Variants in DYNC2I2 observed in about 807,000 individuals in gnomAD.
DYNC2I2 encodes the protein cytoplasmic dynein 2 intermediate chain 2.
A neutral mutation model predicts 52.0 loss-of-function variants in DYNC2I2; 39 were observed. That is an observed-to-expected ratio of 0.75 (90% CI 0.58 to 0.98). The LOEUF (loss-of-function observed/expected upper bound fraction) is 0.98, where lower values mean the gene tolerates loss of function less well. Among genes scored for constraint, DYNC2I2 ranks in the 50% least tolerant of loss-of-function variants. DYNC2I2 has a pLI of 0.00. For missense variants in DYNC2I2, 743 were observed against 728.4 expected, an observed-to-expected ratio of 1.02 and a Z score of -0.23; for synonymous variants, 359 against 321.1, an observed-to-expected ratio of 1.12 and a Z score of -1.26.
At chr9:128,678,504 C>T in the DYNC2I2 span, among the ~76,000 whole-genome samples, 1 of 133,892 alleles carries the variant, frequency 7.5e-6, no homozygotes, top group Non-Finnish European at 1.5e-5. Flanking sequence ...TCTTGTTGCC[C>T]AGGCTGGAGT....
chr9:128,670,547 C>A, the DYNC2I2 span, among the ~76,000 whole-genome samples: 2 of 151,498 alleles, frequency 1.3e-5, 1 homozygote, highest in South Asian at 4.2e-4. Context: ...ACCACCCTGG[C>A]CAACATGGTG....
At chr9:128,653,734 G>A (rs548102955) in intron 1 of DYNC2I2, among the ~76,000 whole-genome samples, 2,014 of 146,948 alleles carry the variant, frequency 0.014, 44 homozygotes, top group African/African-American at 0.039. Context: ...AACCCAGGCC[G>A]GGCGCAGTGG....
chr9:128,669,343 C>A, the DYNC2I2 span, among the ~76,000 whole-genome samples: 1 of 150,894 alleles, frequency 6.6e-6, no homozygotes, highest in South Asian at 2.1e-4. Context: ...CCAGCCTGGG[C>A]GACAGAGCGA....
the DYNC2I2 span, among the ~76,000 whole-genome samples, chr9:128,665,769 CA>C: frequency 0.66 from 47,624 of 71,982 alleles, 15,057 homozygotes; most frequent in Middle Eastern, 0.77. Flanking sequence ...GACTCTGTGT[CA>C]AAAAAAAAAA....
intron 6 of DYNC2I2, 34 bp downstream of exon 6, chr9:128,635,058 C>T (rs770390295): frequency 2.5e-6 from 4 of 1,595,362 alleles, no homozygotes; most frequent in Middle Eastern, 2.0e-4. Flanking sequence ...GGCTCACCGG[C>T]GCAGGCCAGG....
chr9:128,634,865 G>A lies in DYNC2I2; in HGVS notation c.1038C>T (p.Asp346=), dbSNP rs1203198115. Reference sequence around the variant, plus strand: ...CCGTGCCCAGAATGAACAGCCTAGGGTCAAAGCTGGAGAAGGCCACTGCCG... The same window carrying A: ...CCGTGCCCAGAATGAACAGCCTAGGATCAAAGCTGGAGAAGGCCACTGCCG... ...GATAVAFSSF[D]PRLFILGTEG... The change falls in exon 7 of 9, where the codon GAC becomes GAT. Residue 346 remains aspartate, a synonymous_variant. Coordinates refer to ENST00000372715, the MANE Select transcript of DYNC2I2 (RefSeq NM_052844.4). The A allele has an allele frequency of 1.1e-5, 17 of 1,613,390 alleles. No individual in the cohort carries two copies. Among genetic ancestry groups the A allele is most frequent in the Non-Finnish European group, 1.4e-5 (17 of 1,179,984 alleles).
the DYNC2I2 span, among the ~76,000 whole-genome samples, chr9:128,678,369 A>C: frequency 6.9e-6 from 1 of 145,786 alleles, no homozygotes; most frequent in Non-Finnish European, 1.5e-5. Flanking sequence ...TGCCCAGCCT[A>C]ATTTTTTTTT....
At chr9:128,673,257 A>C in the DYNC2I2 span, among the ~76,000 whole-genome samples, 40 of 152,188 alleles carry the variant, frequency 2.6e-4, no homozygotes, top group Non-Finnish European at 4.7e-4. Flanking sequence ...AAATACTGTC[A>C]ATAATAAAAT....
chr9:128,666,784 C>T, the DYNC2I2 span, among the ~76,000 whole-genome samples: 1 of 150,752 alleles, frequency 6.6e-6, no homozygotes, highest in African/African-American at 2.4e-5. Context: ...GAAGATAAGG[C>T]CTGGCATGGT....
chr9:128,641,647 CTG>C (rs1189413679), intron 1 of DYNC2I2, among the ~76,000 whole-genome samples: 2 of 152,152 alleles, frequency 1.3e-5, no homozygotes, highest in African/African-American at 2.4e-5. Context: ...TTGCTGCTAT[CTG>C]TGAGGGGCTC....
At chr9:128,681,063 A>G in the DYNC2I2 span, among the ~76,000 whole-genome samples, 1 of 152,134 alleles carries the variant, frequency 6.6e-6, no homozygotes, top group East Asian at 1.9e-4. Flanking sequence ...TGTAGGCTGC[A>G]TTCACATCAT....
intron 1 of DYNC2I2, among the ~76,000 whole-genome samples, chr9:128,642,453 CAAAAAAAAAAAA>C (rs34018869): frequency 1.3e-5 from 1 of 78,452 alleles, no homozygotes; most frequent in East Asian, 3.4e-4. Context: ...GAGACTTTCT[CAAAAAAAAAAAA>C]AAAAAAAAAA....
intron 5 of DYNC2I2, 147 bp downstream of exon 5, chr9:128,635,497 GGGAGTGGCTCCTGA>G (rs1350676121): frequency 2.4e-5 from 19 of 797,020 alleles, no homozygotes; most frequent in African/African-American, 1.7e-4. Context: ...ACAGGGCCCT[GGGAGTGGCTCCTGA>G]GGGGGGTGAC....
chr9:128,640,971 C>A, intron 1 of DYNC2I2, 32 bp from the exon 2 acceptor site: 2 of 1,555,630 alleles, frequency 1.3e-6, no homozygotes, highest in Non-Finnish European at 1.7e-6. Flanking sequence ...GTGTCACCAC[C>A]CAGCTGTCCT....
chr9:128,652,476 G>A (rs1378880859), intron 1 of DYNC2I2, among the ~76,000 whole-genome samples: 1 of 149,864 alleles, frequency 6.7e-6, no homozygotes. Context: ...ACCAAGAGTT[G>A]GCCAGGTGCT....
chr9:128,661,246 G>T (rs76383111), upstream of DYNC2I2, among the ~76,000 whole-genome samples: 1 of 146,864 alleles, frequency 6.8e-6, no homozygotes, highest in East Asian at 2.0e-4. Context: ...GGAGACCGAG[G>T]CAGGAGAATT....
the DYNC2I2 span, chr9:128,684,029 T>C: frequency 8.0e-6 from 12 of 1,507,976 alleles, no homozygotes. Context: ...CGCTAAGTTT[T>C]ATTGGAGATT....
intron 5 of DYNC2I2, 100 bp from the exon 6 acceptor site, chr9:128,635,359 T>A: frequency 7.3e-7 from 1 of 1,375,872 alleles, no homozygotes; most frequent in Non-Finnish European, 9.7e-7. Context: ...AAAAAAAAAA[T>A]TCTCCGGGAG....
In DYNC2I2 at chr9:128,634,237, G is replaced by A. The variant is rs574692147; in HGVS notation, c.1361C>T (p.Ala454Val). ...CGGCCCCTTCCTACCTTTCCCAGAG[G>A]CAGCTGCAAAAACCAAGGGCCGCAC... ...SPVRPLVFAA[A>V]SGKGDVQLFD... The change falls in exon 8 of 9, where the codon GCC becomes GTC. Residue 454 changes from alanine to valine, a missense_variant. Physicochemically the swap from Ala to Val is moderately conservative, Grantham distance 64. Transcript: ENST00000372715. 6.2e-7 allele frequency: 1 copy of A among 1,613,754 alleles called. No homozygotes were observed. The highest frequency in any genetic ancestry group is 2.2e-5 in the East Asian group (1 of 44,876).
Sources: gnomAD v4.1 joint callset for allele counts (sites outside exome capture counted in the v4.1 genomes callset) on GRCh38, gnomAD v4.1.1 for gene constraint, MANE v1.5 for transcripts, NCBI Gene and HGNC (gene_info 2026-07-23, HGNC 2026-07-21) for gene names.